Variants in DENND2B observed in about 807,000 individuals in gnomAD.
DENND2B encodes DENN domain-containing protein 2B.
DENND2B carries 32 observed loss-of-function variants against 116.0 expected under a neutral mutation model. The observed-to-expected ratio is 0.28, with a 90% CI of 0.21 to 0.37. The LOEUF (loss-of-function observed/expected upper bound fraction) is 0.37, where lower values mean the gene tolerates loss of function less well. Ranked by LOEUF, DENND2B falls within the 10% of genes least tolerant of loss-of-function variation. The pLI is 1.00. For missense variants in DENND2B, 1,276 were observed against 1,477.7 expected (o/e 0.86, Z 2.24); for synonymous variants, 588 against 583.9 (o/e 1.01, Z -0.10).
At chr11:8,754,215 C>A (rs1390641510) in intron 1 of DENND2B, among the ~76,000 whole-genome samples, 2 of 152,160 alleles carry the variant, frequency 1.3e-5, no homozygotes, top group South Asian at 2.1e-4. Flanking sequence ...ATAAAGAATT[C>A]TTTCAACTCA....
intron 3 of DENND2B, among the ~76,000 whole-genome samples, chr11:8,727,725 G>C (rs560774453): frequency 1.3e-5 from 2 of 152,300 alleles, no homozygotes; most frequent in East Asian, 1.9e-4. Context: ...GTTAGTGTGA[G>C]AGCAAGTTTT....
chr11:8,732,656 G>A (rs764327767), intron 2 of DENND2B, among the ~76,000 whole-genome samples: 1 of 152,250 alleles, frequency 6.6e-6, no homozygotes, highest in Admixed American at 6.5e-5. Context: ...AGGGAAAGGT[G>A]AGCTTATTGA....
At chr11:8,708,561 C>T (rs571713163) in intron 11 of DENND2B, among the ~76,000 whole-genome samples, 1 of 152,142 alleles carries the variant, frequency 6.6e-6, no homozygotes, top group Non-Finnish European at 1.5e-5. Flanking sequence ...CTGTCTTACC[C>T]CTAAAGCCTG....
intron 3 of DENND2B, among the ~76,000 whole-genome samples, chr11:8,849,766 T>G (rs1312921641): frequency 2.0e-5 from 3 of 149,408 alleles, no homozygotes; most frequent in Non-Finnish European, 4.4e-5. Flanking sequence ...GAGGTTGCAG[T>G]GAGCTGAGAT....
At chr11:8,850,231 G>C (rs1404528354) in intron 3 of DENND2B, among the ~76,000 whole-genome samples, 1 of 152,130 alleles carries the variant, frequency 6.6e-6, no homozygotes, top group Non-Finnish European at 1.5e-5. Context: ...AAAAACATAT[G>C]TAGTATATAT....
At chr11:8,704,818 C>T in intron 13 of DENND2B, among the ~76,000 whole-genome samples, 1 of 152,200 alleles carries the variant, frequency 6.6e-6, no homozygotes, top group East Asian at 1.9e-4. Context: ...CTGCCTCAGC[C>T]TCCCGAGTGG....
At chr11:8,696,045 C>G (rs1234137771) in intron 18 of DENND2B, 1 of 266,226 alleles carries the variant, frequency 3.8e-6, no homozygotes, top group Non-Finnish European at 7.1e-6. Flanking sequence ...CCTACGACAG[C>G]TGGCCCAATG....
At chr11:8,770,950 T>C (rs1474217231) in intron 1 of DENND2B, among the ~76,000 whole-genome samples, 3 of 152,204 alleles carry the variant, frequency 2.0e-5, no homozygotes, top group Admixed American at 6.5e-5. Flanking sequence ...TCTCCTAGCC[T>C]CTCTGATAGC....
At chr11:8,886,203 G>A (rs771097315) in intron 1 of DENND2B, among the ~76,000 whole-genome samples, 8 of 152,136 alleles carry the variant, frequency 5.3e-5, no homozygotes, top group Non-Finnish European at 1.0e-4. Flanking sequence ...CCAAAGTGCT[G>A]GGATTACAGG....
chr11:8,715,502 G>T, intron 6 of DENND2B, 101 bp downstream of exon 6: 1 of 1,231,370 alleles, frequency 8.1e-7, no homozygotes, highest in Non-Finnish European at 1.2e-6. Context: ...CGAGGAAGCA[G>T]TCCAGATTAG....
In DENND2B at chr11:8,846,343, C is replaced by T. The variant is rs543703298; in HGVS notation, c.-155-6993G>A. ...GCTGGTGACATTGGAAGGAAGATCC[C>T]CCAACAGGCTGCTGGCCCTAGAGGT... On this transcript the variant is annotated intron_variant, in intron 3 of 6. Transcript: ENST00000524757. Among the ~76,000 whole-genome samples, 7 of 152,234 alleles carry T rather than the reference C, an allele frequency of 4.6e-5. No homozygotes were observed. The South Asian group carries it at 1.5e-3, about 32-fold the overall frequency.
At chr11:8,818,916 A>G (rs1219059983) in intron 4 of DENND2B, among the ~76,000 whole-genome samples, 1 of 152,220 alleles carries the variant, frequency 6.6e-6, no homozygotes, top group African/African-American at 2.4e-5. Context: ...TGGGGTGTGT[A>G]TACAAGATGA....
intron 1 of DENND2B, among the ~76,000 whole-genome samples, chr11:8,757,475 TA>T (rs2053819580): frequency 6.6e-6 from 1 of 152,074 alleles, no homozygotes; most frequent in African/African-American, 2.4e-5. Context: ...GACAAGAAAG[TA>T]AAAAGTGGAC....
chr11:8,810,482 G>A (rs970801296), intron 1 of DENND2B, 35 bp downstream of exon 1: 1 of 152,292 alleles, frequency 6.6e-6, no homozygotes, highest in Admixed American at 6.5e-5. Flanking sequence ...GCCAGGAAAG[G>A]AGGCCAAATG....
At chr11:8,737,272 T>A (rs1164781449) in intron 2 of DENND2B, among the ~76,000 whole-genome samples, 1 of 152,200 alleles carries the variant, frequency 6.6e-6, no homozygotes, top group East Asian at 1.9e-4. Context: ...GCTGGGACGT[T>A]CCAGTGTGTT....
chr11:8,840,510 T>C (rs972139638), intron 3 of DENND2B, among the ~76,000 whole-genome samples: 1 of 152,108 alleles, frequency 6.6e-6, no homozygotes, highest in Non-Finnish European at 1.5e-5. Flanking sequence ...ACCAACGCAA[T>C]GAACAGCTGC....
intron 2 of DENND2B, among the ~76,000 whole-genome samples, chr11:8,878,178 G>A (rs2063864411): frequency 6.6e-6 from 1 of 152,112 alleles, no homozygotes; most frequent in Admixed American, 6.5e-5. Flanking sequence ...GACTGAAGTA[G>A]GAAGTTAAAA....
At chr11:8,727,930 G>A (rs1395090983) in intron 3 of DENND2B, among the ~76,000 whole-genome samples, 1 of 137,096 alleles carries the variant, frequency 7.3e-6, no homozygotes, top group Non-Finnish European at 1.5e-5. Flanking sequence ...CTGAATGCCA[G>A]AAGAAACATT....
Position 8,731,414 on chromosome 11 carries a change from G to T in DENND2B, c.81-205C>A, listed in dbSNP as rs187527670. ...AATCACAGCAGGCCAAACTCAACAG[G>T]CCTCTCTGCCCAAACCATCCCCAGG... is the stretch of plus-strand genomic sequence containing the variant. On this transcript the variant is annotated intron_variant, in intron 2 of 19. Transcript: ENST00000313726. Among the ~76,000 whole-genome samples the T allele has an allele frequency of 4.3e-4, 66 of 152,240 alleles. 1 individual carries two copies. In the East Asian group the frequency reaches 0.011, roughly 26 times the overall value.
Sources: allele counts gnomAD v4.1 joint callset (sites outside exome capture counted in the v4.1 genomes callset), GRCh38; gene constraint gnomAD v4.1.1; transcripts MANE v1.5; gene names NCBI Gene and HGNC (gene_info 2026-07-23, HGNC 2026-07-21).